Variants in PPP2R2C observed in about 807,000 individuals in gnomAD.
The protein encoded by PPP2R2C is protein phosphatase 2, regulatory subunit B, gamma.
PPP2R2C carries 10 observed loss-of-function variants against 45.3 expected under a neutral mutation model. The ratio of observed to expected loss-of-function variants is 0.22; its 90% CI spans 0.14 to 0.37. The LOEUF is 0.37. Among genes scored for constraint, PPP2R2C ranks in the 10% least tolerant of loss-of-function variants. The pLI is 1.00. For synonymous variants in PPP2R2C, 257 were observed against 245.4 expected, an observed-to-expected ratio of 1.05 and a Z score of -0.44; for missense variants, 308 against 619.7, an observed-to-expected ratio of 0.50 and a Z score of 5.34.
chr4:6,501,531 T>C lies in PPP2R2C; in HGVS notation c.49+33740A>G, dbSNP rs138167838. ...CCAGGGAGGAGAATCTCATGGGCAC[T>C]TAGAGGTTGATGCACATTAGCACCA... On this transcript the variant is annotated intron_variant, in intron 2 of 9. Transcript: ENST00000506140. Among the ~76,000 whole-genome samples, 14 of 152,318 alleles carry C rather than the reference T, an allele frequency of 9.2e-5. No homozygotes were observed. The East Asian group carries it at 2.5e-3, about 27-fold the overall frequency.
At chr4:6,555,516 T>C (rs956175188) in intron 1 of PPP2R2C, 4 of 152,272 alleles carry the variant, frequency 2.6e-5, no homozygotes, top group East Asian at 1.9e-4. Context: ...ATCTAAGGCA[T>C]ACAGGACAAG....
chr4:6,556,586 C>G (rs1016685421), intron 1 of PPP2R2C, among the ~76,000 whole-genome samples: 2 of 152,156 alleles, frequency 1.3e-5, no homozygotes, highest in East Asian at 3.8e-4. Context: ...GCACAAATAC[C>G]TCATGCTCTG....
At chr4:6,511,569 G>GAT in intron 2 of PPP2R2C, among the ~76,000 whole-genome samples, 1 of 97,576 alleles carries the variant, frequency 1.0e-5, no homozygotes, top group African/African-American at 4.1e-5. Flanking sequence ...TGGTGGTGGT[G>GAT]GTGATGGCGG....
chr4:6,424,473 G>A (rs1719167995), intron 1 of PPP2R2C, among the ~76,000 whole-genome samples: 2 of 152,248 alleles, frequency 1.3e-5, no homozygotes, highest in Admixed American at 6.5e-5. Context: ...CCATGTCGGG[G>A]CACTGAGGGG....
At chr4:6,532,258 G>A (rs979908794) in intron 2 of PPP2R2C, among the ~76,000 whole-genome samples, 1 of 152,228 alleles carries the variant, frequency 6.6e-6, no homozygotes, top group Non-Finnish European at 1.5e-5. Flanking sequence ...GTCCATAGAA[G>A]GGGCCGTGAA....
At chr4:6,358,487 G>A (rs1713426079) in intron 5 of PPP2R2C, among the ~76,000 whole-genome samples, 1 of 149,410 alleles carries the variant, frequency 6.7e-6, no homozygotes, top group Non-Finnish European at 1.5e-5. Flanking sequence ...TAGACAAATG[G>A]GATCTAATTA....
At chr4:6,408,224 T>C (rs1000193610) in intron 1 of PPP2R2C, among the ~76,000 whole-genome samples, 1 of 152,204 alleles carries the variant, frequency 6.6e-6, no homozygotes, top group African/African-American at 2.4e-5. Flanking sequence ...GCCAACAAAA[T>C]GGCAGAAGAG....
At chr4:6,509,868 G>A (rs1269046719) in intron 2 of PPP2R2C, among the ~76,000 whole-genome samples, 3 of 152,204 alleles carry the variant, frequency 2.0e-5, no homozygotes, top group African/African-American at 4.8e-5. Context: ...CAATGCACAT[G>A]AGCAGTAAGT....
chr4:6,349,650 C>T (rs1712347061), intron 5 of PPP2R2C: 1 of 903,196 alleles, frequency 1.1e-6, no homozygotes, highest in Non-Finnish European at 1.3e-6. Context: ...ACCATTCTGG[C>T]CAACACAGTA....
Position 6,347,845 on chromosome 4 carries a change from C to A in PPP2R2C, c.790+1G>T. ...CCCCACCCCCAGGCACCGGCACTTA[C>A]GCTTGGAATGCTTGTCACACAGGGC... On this transcript the variant is annotated splice_donor_variant, in intron 6 of 8. Transcript: ENST00000382599. LOFTEE classifies it high-confidence loss of function. 1 of 1,496,580 alleles carries A rather than the reference C, an allele frequency of 6.7e-7. No individual in the cohort carries two copies. The highest frequency in any genetic ancestry group is 9.0e-7 in the Non-Finnish European group (1 of 1,106,416). 92.7% of individuals were successfully genotyped at this position (1,496,580 alleles called of 1,614,324 possible).
chr4:6,424,354 G>A (rs954752610), intron 1 of PPP2R2C, among the ~76,000 whole-genome samples: 12 of 152,186 alleles, frequency 7.9e-5, no homozygotes, highest in East Asian at 1.9e-4. Flanking sequence ...AAAACAGAAT[G>A]GTCTTTAAAT....
At chr4:6,557,353 G>C (rs1369184742) in intron 1 of PPP2R2C, among the ~76,000 whole-genome samples, 1 of 151,982 alleles carries the variant, frequency 6.6e-6, no homozygotes. Flanking sequence ...AGATCTTATA[G>C]TCAGGAGATG....
chr4:6,436,196 G>C (rs952180241), intron 1 of PPP2R2C, among the ~76,000 whole-genome samples: 6 of 152,226 alleles, frequency 3.9e-5, no homozygotes, highest in Non-Finnish European at 8.8e-5. Context: ...AGAGATAAAA[G>C]TATGCTGCTT....
upstream of PPP2R2C, among the ~76,000 whole-genome samples, chr4:6,475,584 G>C (rs1722113002): frequency 6.6e-6 from 1 of 152,190 alleles, no homozygotes; most frequent in Non-Finnish European, 1.5e-5. Flanking sequence ...CCTGGAACCA[G>C]TGGACGCATG....
At chr4:6,518,779 C>A (rs1240860527) in intron 2 of PPP2R2C, among the ~76,000 whole-genome samples, 1 of 151,756 alleles carries the variant, frequency 6.6e-6, no homozygotes, top group African/African-American at 2.4e-5. Context: ...AAAAATTACC[C>A]AGGCATAGTG....
At chr4:6,556,965 C>T (rs1039398455) in intron 1 of PPP2R2C, among the ~76,000 whole-genome samples, 3 of 152,166 alleles carry the variant, frequency 2.0e-5, no homozygotes, top group African/African-American at 4.8e-5. Context: ...CCCAAAGACT[C>T]CCCGGCAGAG....
chr4:6,348,554 G>A (rs2109227174), intron 5 of PPP2R2C: 1 of 801,110 alleles, frequency 1.2e-6, no homozygotes, highest in South Asian at 5.7e-5. Context: ...ACCACAGTAT[G>A]GAGATTCTCC....
At chr4:6,519,061 TA>T (rs1723928317) in intron 2 of PPP2R2C, among the ~76,000 whole-genome samples, 1 of 151,696 alleles carries the variant, frequency 6.6e-6, no homozygotes, top group South Asian at 2.1e-4. Context: ...AACAAATATT[TA>T]AGGAAGAAAT....
At chr4:6,360,513 C>T (rs1308094710) in intron 5 of PPP2R2C, among the ~76,000 whole-genome samples, 1 of 152,190 alleles carries the variant, frequency 6.6e-6, no homozygotes, top group Non-Finnish European at 1.5e-5. Flanking sequence ...GAAGCTGTCG[C>T]CATGGCAACC....
Sources: gnomAD v4.1 joint callset for allele counts (sites outside exome capture counted in the v4.1 genomes callset) on GRCh38, gnomAD v4.1.1 for gene constraint, MANE v1.5 for transcripts, NCBI Gene and HGNC (gene_info 2026-07-23, HGNC 2026-07-21) for gene names.